The following ARPC1A variants were observed in gnomAD, a reference collection of about 807,000 sequenced individuals.
ARPC1A encodes the protein actin-related protein 2/3 complex subunit 1A.
In ARPC1A, 8 loss-of-function variants were observed where a neutral mutation model predicts 46.9. The observed-to-expected ratio is 0.17, with a 90% CI of 0.10 to 0.31. ARPC1A has a LOEUF of 0.31. Among genes scored for constraint, ARPC1A ranks in the 10% least tolerant of loss-of-function variants. The pLI is 1.00. For missense variants in ARPC1A, 286 were observed against 483.6 expected (o/e 0.59, Z 3.83); for synonymous variants, 152 against 169.0 (o/e 0.90, Z 0.78).
chr7:99,327,323 T>G lies in ARPC1A; in HGVS notation c.-30+1319T>G, dbSNP rs186846174. On this transcript the variant is annotated intron_variant, in intron 1 of 9. Coordinates refer to ENST00000262942, the MANE Select transcript of ARPC1A (RefSeq NM_006409.4). ...ATTTTCATTTATTTTTATTTACTTA[T>G]TTTTGGAGATAGAGTCTCACTCTGT... 1.3e-4 allele frequency among the ~76,000 whole-genome samples: 19 copies of G among 151,992 alleles called. No homozygotes were observed. The East Asian group carries it at 3.7e-3, about 29-fold the overall frequency.
intron 1 of ARPC1A, among the ~76,000 whole-genome samples, chr7:99,328,135 C>G (rs1793081180): frequency 1.3e-5 from 2 of 152,194 alleles, no homozygotes; most frequent in South Asian, 2.1e-4. Flanking sequence ...CTTTGAGAGG[C>G]TGAGGCGGGT....
At chr7:99,352,181 G>C (rs970756905) in intron 5 of ARPC1A, among the ~76,000 whole-genome samples, 16 of 152,204 alleles carry the variant, frequency 1.1e-4, no homozygotes, top group African/African-American at 3.1e-4. Flanking sequence ...TGTTGAGAAT[G>C]ATGGTAAGGT....
chr7:99,351,156 C>G (rs368661946), intron 5 of ARPC1A, among the ~76,000 whole-genome samples: 1 of 152,124 alleles, frequency 6.6e-6, no homozygotes, highest in East Asian at 1.9e-4. Flanking sequence ...GAAAATAGAA[C>G]TAGGTGGCAC....
At position 99,344,307 on chromosome 7, in the gene ARPC1A, C is replaced by T. The variant is rs756536931; in HGVS notation, c.184C>T (p.Pro62Ser). ...NGHITGIDWAPKSDRIVTCGA... is the reference protein window; with the variant it reads ...NGHITGIDWASKSDRIVTCGA... Reference sequence around the variant, plus strand: ...CTCACTTGCAGGTATTGACTGGGCTCCCAAGAGCGACCGCATTGTCACTTG... The same window carrying T: ...CTCACTTGCAGGTATTGACTGGGCTTCCAAGAGCGACCGCATTGTCACTTG... The change falls in exon 4 of 10, where the codon CCC becomes TCC. Residue 62 changes from proline (P) to serine (S), a missense_variant. Physicochemically the swap from Pro to Ser is moderately conservative, Grantham distance 74. Around this residue, in one of 5 missense-constraint regions of ARPC1A, gnomAD observed 38 missense variants for 95.8 expected, o/e 0.40. Transcript: ENST00000262942. 6.2e-7 allele frequency: 1 copy of T among 1,613,978 alleles called. No individual in the cohort carries two copies. The highest frequency in any genetic ancestry group is 8.5e-7 in the Non-Finnish European group (1 of 1,179,874).
chr7:99,358,411 C>T lies in ARPC1A; in HGVS notation c.785C>T (p.Ala262Val), dbSNP rs1793678851. The change falls in exon 7 of 10, where the codon GCT (alanine) becomes GTT (valine). Residue 262 changes from alanine to valine, a missense_variant. By Grantham distance (64) the Ala-to-Val change is moderately conservative (BLOSUM62 0). Coordinates refer to ENST00000262942, the MANE Select transcript of ARPC1A (RefSeq NM_006409.4). ...VSFVSENSVV[A>V]AGHDCCPMLF... ...TTTGTCTCAGAGAACAGCGTCGTGG[C>T]TGCTGTGAGTATTTTTCTTCATTCT... The T allele has an allele frequency of 2.5e-6, 4 of 1,613,788 alleles. No individual in the cohort carries two copies. Among genetic ancestry groups the T allele is most frequent in the African/African-American group, 1.3e-5 (1 of 74,990 alleles).
chr7:99,363,060 A>G (rs1191913422), intron 8 of ARPC1A, among the ~76,000 whole-genome samples: 1 of 152,150 alleles, frequency 6.6e-6, no homozygotes, highest in Non-Finnish European at 1.5e-5. Flanking sequence ...TGTTTTCGCC[A>G]TGGCTGTGGT....
intron 2 of ARPC1A, among the ~76,000 whole-genome samples, chr7:99,336,982 TA>T (rs372567355): frequency 5.5e-5 from 8 of 146,054 alleles, no homozygotes; most frequent in South Asian, 2.2e-4. Context: ...TAAATTCAAT[TA>T]AAAAAAAAAC....
chr7:99,335,462 G>T (rs538614520), intron 2 of ARPC1A: 3 of 423,174 alleles, frequency 7.1e-6, no homozygotes, highest in Middle Eastern at 3.4e-4. Flanking sequence ...GGACCAGTCT[G>T]TCTTGATTAC....
chr7:99,333,271 G>C (rs113372284), intron 1 of ARPC1A, 54 bp from the exon 2 acceptor site: 6 of 1,110,450 alleles, frequency 5.4e-6, no homozygotes, highest in African/African-American at 1.6e-5. Flanking sequence ...TTAAACATTG[G>C]TTACTTGCCT....
chr7:99,336,481 ATTT>A (rs757908410), intron 2 of ARPC1A, among the ~76,000 whole-genome samples: 2 of 103,188 alleles, frequency 1.9e-5, no homozygotes, highest in African/African-American at 4.2e-5. Context: ...ATAGGTCTTA[ATTT>A]TTTTTTTTTT....
chr7:99,332,442 T>C (rs2150858371), intron 1 of ARPC1A, among the ~76,000 whole-genome samples: 1 of 152,314 alleles, frequency 6.6e-6, no homozygotes, highest in East Asian at 1.9e-4. Flanking sequence ...CATCTTTTTC[T>C]CTTTGTAGTT....
At chr7:99,338,674 G>A (rs558148042) in intron 3 of ARPC1A, among the ~76,000 whole-genome samples, 8 of 151,962 alleles carry the variant, frequency 5.3e-5, no homozygotes, top group Non-Finnish European at 8.8e-5. Flanking sequence ...GTGAGCTACC[G>A]CACCTGGCCC....
intron 1 of ARPC1A, among the ~76,000 whole-genome samples, chr7:99,329,544 T>C (rs891210950): frequency 2.6e-5 from 4 of 152,058 alleles, no homozygotes; most frequent in Non-Finnish European, 5.9e-5. Flanking sequence ...TGGTGTTTGC[T>C]AGGTGCATTC....
intron 1 of ARPC1A, among the ~76,000 whole-genome samples, chr7:99,329,991 G>C (rs1418185569): frequency 6.6e-6 from 1 of 151,828 alleles, no homozygotes; most frequent in Non-Finnish European, 1.5e-5. Flanking sequence ...TGTTGTGATG[G>C]AACAATTTGG....
At position 99,342,815 on chromosome 7, in the gene ARPC1A, C is replaced by T. The variant is rs1031493828; in HGVS notation, c.170-1478C>T. On this transcript the variant is annotated intron_variant, in intron 3 of 9. Transcript: ENST00000262942. The stretch of plus-strand genomic sequence containing the variant: ...TCGGCTCACTGTAAGCTCCGCCTCC[C>T]GGGTTCACACCATTCTCCTGCCTCA... Among the ~76,000 whole-genome samples, 15 of 150,734 alleles carry T rather than the reference C, an allele frequency of 1.0e-4. No individual in the cohort carries two copies. In the East Asian group the frequency reaches 1.8e-3, roughly 18 times the overall value.
At chr7:99,331,441 A>G (rs940708720) in intron 1 of ARPC1A, among the ~76,000 whole-genome samples, 4 of 151,818 alleles carry the variant, frequency 2.6e-5, no homozygotes, top group East Asian at 1.9e-4. Context: ...AGAAGACATC[A>G]TGATACTTCA....
At chr7:99,352,026 G>A (rs1368928448) in intron 5 of ARPC1A, among the ~76,000 whole-genome samples, 1 of 152,096 alleles carries the variant, frequency 6.6e-6, no homozygotes, top group Non-Finnish European at 1.5e-5. Flanking sequence ...GAGGGTCCAG[G>A]GAGCCTGCCC....
At chr7:99,357,052 G>A (rs1436759564) in intron 6 of ARPC1A, among the ~76,000 whole-genome samples, 2 of 152,008 alleles carry the variant, frequency 1.3e-5, no homozygotes, top group Non-Finnish European at 2.9e-5. Flanking sequence ...TTGGTAATTT[G>A]CCTTTTAATA....
chr7:99,346,707 C>T (rs1240147399), intron 4 of ARPC1A, among the ~76,000 whole-genome samples: 1 of 152,180 alleles, frequency 6.6e-6, no homozygotes, highest in Non-Finnish European at 1.5e-5. Flanking sequence ...AGGCCAGGCA[C>T]GGTAGCTCAC....
Sources: gnomAD v4.1 joint callset for allele counts (sites outside exome capture counted in the v4.1 genomes callset) on GRCh38, gnomAD v4.1.1 for gene constraint, gnomAD v4.1.1 regional missense constraint, MANE v1.5 for transcripts, NCBI Gene and HGNC (gene_info 2026-07-23, HGNC 2026-07-21) for gene names.